CALN1: variants seen among roughly 807,000 people sequenced by gnomAD.
CALN1 encodes calcium-binding protein 8.
Under a neutral mutation model 30.6 loss-of-function variants are expected in CALN1, and 17 were observed. That is an observed-to-expected ratio of 0.56 (90% CI 0.38 to 0.83). The LOEUF (loss-of-function observed/expected upper bound fraction) is 0.83. Among genes scored for constraint, CALN1 ranks in the 40% least tolerant of loss-of-function variants. CALN1 has a pLI of 0.00. For missense variants in CALN1, 291 were observed against 354.9 expected, an observed-to-expected ratio of 0.82 and a Z score of 1.45; for synonymous variants, 156 against 131.4, an observed-to-expected ratio of 1.19 and a Z score of -1.28.
intron 5 of CALN1, among the ~76,000 whole-genome samples, chr7:71,841,357 G>A (rs1789928237): frequency 6.6e-6 from 1 of 152,174 alleles, no homozygotes; most frequent in Non-Finnish European, 1.5e-5. Flanking sequence ...CATGACTGAT[G>A]GTTCCATCCG....
chr7:71,902,130 T>G (rs1584478197), intron 5 of CALN1, among the ~76,000 whole-genome samples: 1 of 151,962 alleles, frequency 6.6e-6, no homozygotes, highest in Non-Finnish European at 1.5e-5. Flanking sequence ...AGGCTGAGGC[T>G]GGAGAATGGT....
intron 5 of CALN1, among the ~76,000 whole-genome samples, chr7:71,929,853 A>G (rs1390670455): frequency 1.3e-5 from 2 of 152,222 alleles, no homozygotes; most frequent in African/African-American, 4.8e-5. Context: ...TCACAGCAGC[A>G]ATGGATGAGG....
chr7:72,106,364 T>TAC, intron 3 of CALN1, 70 bp from the exon 4 acceptor site: 1 of 1,589,032 alleles, frequency 6.3e-7, no homozygotes, highest in South Asian at 1.1e-5. Flanking sequence ...TTATTGGTGA[T>TAC]TGCCTACTGA....
chr7:72,054,472 T>C (rs13235982), intron 4 of CALN1, among the ~76,000 whole-genome samples: 18 of 76,240 alleles, frequency 2.4e-4, no homozygotes, highest in Non-Finnish European at 4.6e-4. Flanking sequence ...TATATACATA[T>C]ATACATACAT....
At chr7:71,832,526 G>C in intron 5 of CALN1, among the ~76,000 whole-genome samples, 1 of 152,188 alleles carries the variant, frequency 6.6e-6, no homozygotes, top group Non-Finnish European at 1.5e-5. Context: ...AGATGCCAAG[G>C]TGACTGCTGA....
chr7:72,054,099 A>G (rs1213180000), intron 4 of CALN1, among the ~76,000 whole-genome samples: 2 of 152,092 alleles, frequency 1.3e-5, no homozygotes, highest in African/African-American at 4.8e-5. Flanking sequence ...GTGCTGCTAT[A>G]AACACGCATG....
rs549434982 is a variant in CALN1 at position 72,343,938 on chromosome 7, T to C, written c.119+59313A>G. Among the ~76,000 whole-genome samples, 157 of 152,222 alleles carry C rather than the reference T, an allele frequency of 1.0e-3. 1 individual carries two copies. The highest frequency in any genetic ancestry group is 2.0e-3 in the Non-Finnish European group (133 of 68,038). ...AAGGCCTCAGACATATTTAAGGGGATGCCCAAAAGGGCTTCTACATGTCTT... is the reference window on the plus strand; with the variant it reads ...AAGGCCTCAGACATATTTAAGGGGACGCCCAAAAGGGCTTCTACATGTCTT... On this transcript the variant is annotated intron_variant, in intron 2 of 6. Coordinates refer to ENST00000395275, the MANE Select transcript of CALN1 (RefSeq NM_031468.4).
intron 4 of CALN1, among the ~76,000 whole-genome samples, chr7:72,073,222 G>A (rs2129538222): frequency 6.6e-6 from 1 of 152,182 alleles, no homozygotes; most frequent in East Asian, 1.9e-4. Flanking sequence ...GACAGAAAGT[G>A]TCTATGGTTG....
At chr7:72,430,278 A>G (rs1434671479) in intron 1 of CALN1, among the ~76,000 whole-genome samples, 1 of 148,128 alleles carries the variant, frequency 6.8e-6, no homozygotes. Context: ...ATATTTATCT[A>G]TAATAATTAT....
chr7:72,344,390 A>G (rs2129558938), intron 2 of CALN1, among the ~76,000 whole-genome samples: 1 of 152,176 alleles, frequency 6.6e-6, no homozygotes, highest in South Asian at 2.1e-4. Flanking sequence ...AAATGTCAAA[A>G]AATATGTTGT....
intron 5 of CALN1, among the ~76,000 whole-genome samples, chr7:72,017,082 T>C (rs1162565606): frequency 6.8e-6 from 1 of 147,720 alleles, no homozygotes; most frequent in Non-Finnish European, 1.5e-5. Context: ...GAGAATCACT[T>C]GAACCCGGGA....
intron 5 of CALN1, among the ~76,000 whole-genome samples, chr7:71,877,445 A>G (rs745494466): frequency 2.6e-5 from 4 of 152,166 alleles, no homozygotes; most frequent in Non-Finnish European, 4.4e-5. Flanking sequence ...ATTACAAACC[A>G]CTTGAATAAA....
chr7:71,934,449 C>T (rs1038690982), intron 5 of CALN1, among the ~76,000 whole-genome samples: 1 of 152,060 alleles, frequency 6.6e-6, no homozygotes, highest in Non-Finnish European at 1.5e-5. Flanking sequence ...AAGCATGGTG[C>T]CTGTATCTAC....
intron 4 of CALN1, among the ~76,000 whole-genome samples, chr7:72,044,965 T>A (rs1199569585): frequency 6.6e-6 from 1 of 152,106 alleles, no homozygotes; most frequent in Non-Finnish European, 1.5e-5. Flanking sequence ...ATTTTGAGAA[T>A]ATGGATGCAA....
At chr7:72,324,534 C>G (rs1003629180) in intron 2 of CALN1, among the ~76,000 whole-genome samples, 1 of 148,332 alleles carries the variant, frequency 6.7e-6, no homozygotes, top group South Asian at 2.2e-4. Context: ...CTCTCTCTCT[C>G]TTTTTCCCTC....
At chr7:71,921,321 G>T (rs963770421) in intron 5 of CALN1, among the ~76,000 whole-genome samples, 1 of 152,096 alleles carries the variant, frequency 6.6e-6, no homozygotes, top group African/African-American at 2.4e-5. Context: ...TAACAAACCT[G>T]CATGTTCTGC....
chr7:72,424,116 C>A (rs75470518), intron 1 of CALN1, among the ~76,000 whole-genome samples: 2,998 of 152,158 alleles, frequency 0.02, 88 homozygotes, highest in African/African-American at 0.067. Context: ...GGCTTCCTAT[C>A]CCTTAGCAGG....
intron 3 of CALN1, among the ~76,000 whole-genome samples, chr7:72,141,339 C>A (rs145358729): frequency 6.6e-6 from 1 of 152,036 alleles, no homozygotes; most frequent in African/African-American, 2.4e-5. Flanking sequence ...GTGGCTCACA[C>A]CTGCAATCCT....
In CALN1 at chr7:72,309,554, C is replaced by T. The variant is rs558303980; in HGVS notation, c.120-30744G>A. ...ACGGGACTCAAGGAACGGCAACATG[C>T]GTGACCAAGGGAGGGAAGCCACCTT... On this transcript the variant is annotated intron_variant, in intron 2 of 6. Transcript: ENST00000395275. Among the ~76,000 whole-genome samples the T allele has an allele frequency of 1.3e-3, 198 of 152,146 alleles. 1 individual carries two copies. The highest frequency in any genetic ancestry group is 4.1e-3 in the African/African-American group (171 of 41,498).
Sources: allele counts gnomAD v4.1 joint callset (sites outside exome capture counted in the v4.1 genomes callset), GRCh38; gene constraint gnomAD v4.1.1; transcripts MANE v1.5; gene names NCBI Gene and HGNC (gene_info 2026-07-23, HGNC 2026-07-21).